The following GTF3C4 variants were observed in gnomAD, a reference collection of about 807,000 sequenced individuals.
GTF3C4 encodes the protein general transcription factor 3C polypeptide 4.
Under a neutral mutation model 67.5 loss-of-function variants are expected in GTF3C4, and 28 were observed. That is an observed-to-expected ratio of 0.41 (90% CI 0.31 to 0.57). The LOEUF (loss-of-function observed/expected upper bound fraction) is 0.57, where lower values mean the gene tolerates loss of function less well. Among genes scored for constraint, GTF3C4 ranks in the 20% least tolerant of loss-of-function variants. The pLI is 0.21. For missense variants in GTF3C4, 831 were observed against 1,033.2 expected (o/e 0.80, Z 2.68); for synonymous variants, 409 against 393.0 (o/e 1.04, Z -0.48).
At chr9:132,670,248 ATC>A, upstream of GTF3C4, 1 of 1,524,776 alleles carries the variant, frequency 6.6e-7, no homozygotes, top group Non-Finnish European at 8.8e-7. Flanking sequence ...ATCCGGCGCC[ATC>A]TCACCGACGA....
At position 132,679,708 on chromosome 9, in the gene GTF3C4, C is replaced by T. The variant is rs1224881347; in HGVS notation, c.2089C>T (p.Leu697=). 3.1e-6 allele frequency: 5 copies of T among 1,614,130 alleles called. No individual in the cohort carries two copies. Among genetic ancestry groups the T allele is most frequent in the Non-Finnish European group, 4.2e-6 (5 of 1,179,984 alleles). Residue 697 remains leucine (L), a synonymous_variant, in exon 2 of 5, where the codon CTG becomes TTG. Coordinates refer to ENST00000372146, the MANE Select transcript of GTF3C4 (RefSeq NM_012204.4). This position sits in a 1 kb window ranked among gnomAD's most constrained non-coding sequence, Gnocchi z 5.9. ...HMKRVLGEVY[L]HTWITENTSI... ...GAAGCGAGTCTTAGGAGAAGTGTAT[C>T]TGCACACCTGGATCACAGAAAACAC...
upstream of GTF3C4, chr9:132,670,160 T>A (rs1178833368): frequency 1.3e-6 from 2 of 1,595,000 alleles, no homozygotes; most frequent in African/African-American, 1.3e-5. Flanking sequence ...CCTCTCTGCG[T>A]CCCTCGCGGC....
rs1206790346 is a variant in GTF3C4, at chr9:132,694,018, C to T, written c.*5073C>T. On this transcript the variant is annotated 3_prime_UTR_variant, in exon 5 of 5. Coordinates refer to ENST00000372146, the MANE Select transcript of GTF3C4 (RefSeq NM_012204.4). ...ACCTATGACTTTTTTTTGAAATAAA[C>T]AGAACAGTCATCTAAAAACATAAGG... 6.6e-6 allele frequency: 1 copy of T among 151,536 alleles called. No individual in the cohort carries two copies. The highest frequency in any genetic ancestry group is 2.4e-5 in the African/African-American group (1 of 41,236). The allele number at this position is 151,536 out of a possible 1,614,324, so 9.4% of individuals were successfully genotyped here. A position where few individuals can be genotyped will look rare whatever the true frequency, so the allele number is the denominator to read the frequency against.
At chr9:132,672,955 C>A (rs1410374302) in intron 1 of GTF3C4, among the ~76,000 whole-genome samples, 1 of 151,998 alleles carries the variant, frequency 6.6e-6, no homozygotes, top group Non-Finnish European at 1.5e-5. Context: ...GAGGCCGAGG[C>A]GAGCGGATCA....
chr9:132,687,496 C>G (rs554663726), intron 4 of GTF3C4, among the ~76,000 whole-genome samples, 169 bp downstream of exon 4: 4 of 152,216 alleles, frequency 2.6e-5, no homozygotes, highest in African/African-American at 9.6e-5. Flanking sequence ...TACTGTGAAG[C>G]CACAGCTAAC....
At chr9:132,676,926 C>T (rs561541) in intron 1 of GTF3C4, among the ~76,000 whole-genome samples, 139,448 of 152,326 alleles carry the variant, frequency 0.92, 63,939 homozygotes, top group African/African-American at 0.97. Flanking sequence ...TTTTCTTTTA[C>T]CCATTTCTCT....
rs1031666448 is a variant in GTF3C4 at position 132,679,452 on chromosome 9, G to T, written c.1833G>T (p.Ser611=). The change falls in exon 2 of 5, where the codon TCG becomes TCT. Residue 611 remains serine (S), a synonymous_variant. Coordinates refer to ENST00000372146, the MANE Select transcript of GTF3C4 (RefSeq NM_012204.4). This position sits in a 1 kb window ranked among gnomAD's most constrained non-coding sequence, Gnocchi z 5.9. ...HEDSKILLVD[S]PGMGNADDEQ... ...ACTCAAAAATCTTACTAGTGGATTCGCCTGGGATGGGCAATGCTGACGATG... is the reference window on the plus strand; with the variant it reads ...ACTCAAAAATCTTACTAGTGGATTCTCCTGGGATGGGCAATGCTGACGATG... The T allele has an allele frequency of 6.8e-6, 11 of 1,613,984 alleles. No individual in the cohort carries two copies. In the East Asian group the frequency reaches 8.9e-5, roughly 13 times the overall value.
chr9:132,678,369 A>G lies in GTF3C4; in HGVS notation c.750A>G (p.Arg250=). Residue 250 remains arginine, a synonymous_variant, in exon 2 of 5, where the codon AGA becomes AGG. Transcript: ENST00000372146. The surrounding 1 kb of genome is among the most constrained non-coding windows in gnomAD (Gnocchi z 6.5). ...QRRHSMQTPV[R]MEWSGICTTQ... is the part of the protein sequence containing the mutation. ...GACACAGCATGCAGACCCCAGTCAGAATGGAGTGGTCGGGCATCTGTACCA... is the reference window on the plus strand; with the variant it reads ...GACACAGCATGCAGACCCCAGTCAGGATGGAGTGGTCGGGCATCTGTACCA... 1 of 1,614,206 alleles carries G rather than the reference A, an allele frequency of 6.2e-7. No individual in the cohort carries two copies. Among genetic ancestry groups the G allele is most frequent in the Non-Finnish European group, 8.5e-7 (1 of 1,180,028 alleles).
chr9:132,680,334 T>C (rs1487557891), intron 2 of GTF3C4, among the ~76,000 whole-genome samples: 2 of 152,240 alleles, frequency 1.3e-5, no homozygotes, highest in African/African-American at 4.8e-5. Flanking sequence ...TTACCTAGAA[T>C]GTATTCTATA....
chr9:132,687,629 T>C (rs1362439888), intron 4 of GTF3C4, among the ~76,000 whole-genome samples: 1 of 152,252 alleles, frequency 6.6e-6, no homozygotes, highest in East Asian at 1.9e-4. Flanking sequence ...TCAGAGCTTG[T>C]TTCAGTAGAT....
chr9:132,688,732 A>T, intron 4 of GTF3C4, 149 bp from the exon 5 acceptor site: 1 of 614,254 alleles, frequency 1.6e-6, no homozygotes, highest in Non-Finnish European at 3.0e-6. Context: ...AGCCCAAAGA[A>T]GTGAAGTGCT....
chr9:132,679,538 G>A lies in GTF3C4; in HGVS notation c.1919G>A (p.Ser640Asn). The change falls in exon 2 of 5, where the codon AGC becomes AAC. Residue 640 changes from serine to asparagine, a missense_variant. Ser to Asn is a conservative substitution (Grantham distance 46, BLOSUM62 1). This residue lies in a region of GTF3C4 where 75 missense variants were observed against 66.4 expected (regional missense o/e 1.13). Coordinates refer to ENST00000372146, the MANE Select transcript of GTF3C4 (RefSeq NM_012204.4). This position sits in a 1 kb window ranked among gnomAD's most constrained non-coding sequence, Gnocchi z 5.9. ...QVVKQGLQERSKEGDVEEPTD... is the reference protein window; with the variant it reads ...QVVKQGLQERNKEGDVEEPTD... ...GTGAAGCAAGGCCTGCAGGAGAGGAGCAAGGAAGGAGATGTAGAGGAGCCC... is the reference window on the plus strand; with the variant it reads ...GTGAAGCAAGGCCTGCAGGAGAGGAACAAGGAAGGAGATGTAGAGGAGCCC... 6.2e-7 allele frequency: 1 copy of A among 1,614,178 alleles called. No homozygotes were observed. The highest frequency in any genetic ancestry group is 8.5e-7 in the Non-Finnish European group (1 of 1,180,034).
At chr9:132,684,378 C>T (rs958149832) in intron 3 of GTF3C4, among the ~76,000 whole-genome samples, 2 of 152,146 alleles carry the variant, frequency 1.3e-5, no homozygotes, top group Non-Finnish European at 2.9e-5. Context: ...TCCAAAACAC[C>T]ATCATCTCTT....
intron 1 of GTF3C4, among the ~76,000 whole-genome samples, chr9:132,674,101 C>CTTA (rs1404936767): frequency 6.6e-6 from 1 of 152,158 alleles, no homozygotes; most frequent in Non-Finnish European, 1.5e-5. Flanking sequence ...CCTCAAGAAG[C>CTTA]TTACTGTCTA....
In GTF3C4 at chr9:132,670,643, G is replaced by T. The variant is rs1178222382; in HGVS notation, c.45G>T (p.Gly15=). The part of the protein sequence containing the change: ...DQARVGPADD[G]PAPSGEEEGE... Reference sequence around the variant, plus strand: ...CCCGGGTGGGGCCCGCGGACGACGGGCCTGCGCCGTCTGGGGAGGAGGAGG... The same window carrying T: ...CCCGGGTGGGGCCCGCGGACGACGGTCCTGCGCCGTCTGGGGAGGAGGAGG... Residue 15 remains glycine, a synonymous_variant, in exon 1 of 5, where the codon GGG becomes GGT. Coordinates refer to ENST00000372146, the MANE Select transcript of GTF3C4 (RefSeq NM_012204.4). 1.4e-6 allele frequency: 2 copies of T among 1,475,580 alleles called. No individual in the cohort carries two copies. The highest frequency in any genetic ancestry group is 2.9e-5 in the African/African-American group (2 of 69,356). The allele number at this position is 1,475,580 out of a possible 1,614,324, so 91.4% of individuals were successfully genotyped here. A position where few individuals can be genotyped will look rare whatever the true frequency, so the allele number is the denominator to read the frequency against.
rs553661991 is a variant in GTF3C4, at chr9:132,670,774, A to G, written c.176A>G (p.Lys59Arg). The change falls in exon 1 of 5, where the codon AAG becomes AGG. Residue 59 changes from lysine to arginine, a missense_variant. Coordinates refer to ENST00000372146, the MANE Select transcript of GTF3C4 (RefSeq NM_012204.4). ...GTGACTCGGCGGGAGCCGGCCGTGAAGCTGCAGTATGCGGTGAGCGGCCTG... is the reference window on the plus strand; with the variant it reads ...GTGACTCGGCGGGAGCCGGCCGTGAGGCTGCAGTATGCGGTGAGCGGCCTG... ...LMVTRREPAV[K>R]LQYAVSGLEP... is the part of the protein sequence containing the mutation. 1.1e-5 allele frequency: 17 copies of G among 1,581,760 alleles called. No individual in the cohort carries two copies. In the South Asian group the frequency reaches 1.9e-4, roughly 18 times the overall value.
Position 132,691,563 on chromosome 9 carries a change from G to A in GTF3C4, c.*2618G>A, listed in dbSNP as rs758679860. ...AAGCTACAACGTGGTTGCATTTGGG[G>A]AGTCTGATACCCACATAGGTATCAC... On this transcript the variant is annotated 3_prime_UTR_variant, in exon 5 of 5. Transcript: ENST00000372146. 1 of 152,198 alleles carries A rather than the reference G, an allele frequency of 6.6e-6. No individual in the cohort carries two copies. Among genetic ancestry groups the A allele is most frequent in the East Asian group, 1.9e-4 (1 of 5,202 alleles). 9.4% of individuals were successfully genotyped at this position (152,198 alleles called of 1,614,324 possible).
At chr9:132,671,836 C>T (rs1179844352) in intron 1 of GTF3C4, among the ~76,000 whole-genome samples, 7 of 152,114 alleles carry the variant, frequency 4.6e-5, no homozygotes, top group Non-Finnish European at 8.8e-5. Flanking sequence ...AGCTTACATT[C>T]TTTGGCAAGT....
chr9:132,694,267 C>T lies in GTF3C4; in HGVS notation c.*5322C>T, dbSNP rs1301986707. On this transcript the variant is annotated 3_prime_UTR_variant, in exon 5 of 5. Transcript: ENST00000372146. ...AGGAATTGTTTTATCTTTGTTGTTC[C>T]TGCAGCACCTAATGTAAAGTGCCTT... 1.3e-5 allele frequency: 2 copies of T among 152,212 alleles called. No homozygotes were observed. Among genetic ancestry groups the T allele is most frequent in the African/African-American group, 2.4e-5 (1 of 41,450 alleles). The allele number at this position is 152,212 out of a possible 1,614,324, so 9.4% of individuals were successfully genotyped here. A position where few individuals can be genotyped will look rare whatever the true frequency, so the allele number is the denominator to read the frequency against.
Sources: gnomAD v4.1 joint callset for allele counts (sites outside exome capture counted in the v4.1 genomes callset) on GRCh38, gnomAD v4.1.1 for gene constraint, gnomAD v4.1.1 regional missense constraint, Gnocchi (gnomAD v3.1) non-coding constraint, MANE v1.5 for transcripts, NCBI Gene and HGNC (gene_info 2026-07-23, HGNC 2026-07-21) for gene names.